Variants in TGIF2 observed in about 807,000 individuals in gnomAD.
TGIF2 encodes TGFB induced factor homeobox 2, also known as homeobox protein TGIF2.
A neutral mutation model predicts 15.1 loss-of-function variants in TGIF2; 5 were observed. The observed-to-expected ratio is 0.33, with a 90% confidence interval of 0.17 to 0.70. The LOEUF (loss-of-function observed/expected upper bound fraction) is 0.70, where lower values mean the gene tolerates loss of function less well. TGIF2 is among the 30% of genes least tolerant of loss of function. The probability of loss-of-function intolerance (pLI) is 0.67; values close to 1 mark genes in which losing one functional copy is unlikely to be tolerated. For synonymous variants in TGIF2, 131 were observed against 128.9 expected, an observed-to-expected ratio of 1.02 and a Z score of -0.11; for missense variants, 264 against 302.5, an observed-to-expected ratio of 0.87 and a Z score of 0.94.
intron 2 of TGIF2, among the ~76,000 whole-genome samples, chr20:36,581,785 C>T (rs1326991771): frequency 1.3e-5 from 2 of 151,990 alleles, no homozygotes; most frequent in Non-Finnish European, 2.9e-5. Context: ...CATGCCCCTA[C>T]GCCCAGCTAA....
chr20:36,574,142 C>G (rs1287052127), intron 1 of TGIF2, among the ~76,000 whole-genome samples: 1 of 150,456 alleles, frequency 6.6e-6, no homozygotes, highest in Non-Finnish European at 1.5e-5. Context: ...CCGAGCCGGA[C>G]AGGGGGCGGC....
chr20:36,574,504 C>T (rs1002378107), intron 1 of TGIF2: 5 of 151,972 alleles, frequency 3.3e-5, no homozygotes, highest in East Asian at 1.9e-4. Flanking sequence ...CTCCCCTCCC[C>T]CTCCGGGCCC....
At position 36,578,874 on chromosome 20, in the gene TGIF2, C is replaced by A; in HGVS notation, c.100C>A (p.Arg34=). ...GCCCAAGGAGTCGGTGAAGATCCTC[C>A]GGGACTGGCTGTACTTGCACCGCTA... The part of the protein sequence containing the change: ...NLPKESVKIL[R]DWLYLHRYNA... Residue 34 remains arginine, a synonymous_variant, in exon 2 of 3, where the codon CGG becomes AGG. Coordinates refer to ENST00000373872, the MANE Select transcript of TGIF2 (RefSeq NM_021809.7). The A allele has an allele frequency of 6.2e-7, 1 of 1,614,102 alleles. No homozygotes were observed. Among genetic ancestry groups the A allele is most frequent in the East Asian group, 2.2e-5 (1 of 44,870 alleles).
At position 36,583,302 on chromosome 20, in the gene TGIF2, A is replaced by G. The variant is rs540931230; in HGVS notation, c.192+4336A>G. Among the ~76,000 whole-genome samples, 23 of 151,352 alleles carry G rather than the reference A, an allele frequency of 1.5e-4. No individual in the cohort carries two copies. The East Asian group carries it at 4.1e-3, about 27-fold the overall frequency. ...AAAAACAAACAAACAAACAAAAAAA[A>G]CCTTCAGTGGTCTGGCAGGGTAACT... On this transcript the variant is annotated intron_variant, in intron 2 of 2. Coordinates refer to ENST00000373872, the MANE Select transcript of TGIF2 (RefSeq NM_021809.7).
chr20:36,577,202 A>AT (rs1435356248), intron 1 of TGIF2, among the ~76,000 whole-genome samples: 1 of 150,074 alleles, frequency 6.7e-6, no homozygotes, highest in African/African-American at 2.5e-5. Flanking sequence ...TTATTTTTTT[A>AT]TTTTTTTCTT....
rs2038403807 is a variant in TGIF2 at position 36,575,274 on chromosome 20, G to A, written c.-35+1529G>A. On this transcript the variant is annotated intron_variant, in intron 1 of 2. Coordinates refer to ENST00000373872, the MANE Select transcript of TGIF2 (RefSeq NM_021809.7). ...GCCTGGCGTGAGTGTGTCTGGGTGC[G>A]GTGTGGGGTGCATATGTGGGAAGCC... Among the ~76,000 whole-genome samples, 3 of 152,190 alleles carry A rather than the reference G, an allele frequency of 2.0e-5. No individual in the cohort carries two copies. The South Asian group carries it at 6.2e-4, about 32-fold the overall frequency.
At chr20:36,584,966 G>A (rs903691878) in intron 2 of TGIF2, among the ~76,000 whole-genome samples, 3 of 152,104 alleles carry the variant, frequency 2.0e-5, no homozygotes, top group Admixed American at 6.6e-5. Flanking sequence ...GGAGGCCGAG[G>A]CAAACGGATC....
chr20:36,587,952 C>T (rs571172929), intron 2 of TGIF2, among the ~76,000 whole-genome samples: 2 of 151,988 alleles, frequency 1.3e-5, no homozygotes, highest in African/African-American at 2.4e-5. Flanking sequence ...TGTCTGTGGT[C>T]CCAGCTACTC....
intron 2 of TGIF2, among the ~76,000 whole-genome samples, chr20:36,585,169 G>A (rs564711087): frequency 1.3e-3 from 203 of 151,994 alleles, no homozygotes; most frequent in Admixed American, 2.9e-3. Flanking sequence ...TTGCACTCCA[G>A]CCTGGGCAAC....
chr20:36,586,359 C>A (rs1415235077), intron 2 of TGIF2, among the ~76,000 whole-genome samples: 1 of 152,090 alleles, frequency 6.6e-6, no homozygotes, highest in Non-Finnish European at 1.5e-5. Flanking sequence ...CTCACCCCCA[C>A]TAGATCAATA....
chr20:36,590,177 G>A (rs981833274), intron 2 of TGIF2, among the ~76,000 whole-genome samples: 1 of 151,912 alleles, frequency 6.6e-6, no homozygotes, highest in African/African-American at 2.4e-5. Flanking sequence ...GGCTGGTCTC[G>A]AATCCCTGGG....
chr20:36,579,297 G>C (rs567779068), intron 2 of TGIF2, among the ~76,000 whole-genome samples: 5 of 151,894 alleles, frequency 3.3e-5, no homozygotes, highest in African/African-American at 1.2e-4. Context: ...TCAGCCTCCC[G>C]ACTAGCTGGG....
At chr20:36,577,651 G>A (rs1204408077) in intron 1 of TGIF2, among the ~76,000 whole-genome samples, 2 of 152,000 alleles carry the variant, frequency 1.3e-5, no homozygotes, top group Non-Finnish European at 2.9e-5. Flanking sequence ...GAGTAGCTGG[G>A]ACTACAGGCA....
chr20:36,587,672 A>G (rs1244057519), intron 2 of TGIF2, among the ~76,000 whole-genome samples: 1 of 152,116 alleles, frequency 6.6e-6, no homozygotes, highest in East Asian at 1.9e-4. Context: ...GTGACCTTCA[A>G]CAAGTTTCTG....
At chr20:36,583,125 A>G (rs112762253) in intron 2 of TGIF2, among the ~76,000 whole-genome samples, 2,133 of 152,016 alleles carry the variant, frequency 0.014, 37 homozygotes, top group African/African-American at 0.035. Flanking sequence ...TACTAAAAAT[A>G]CAAAAATAGC....
rs776849143 is a variant in TGIF2, at chr20:36,584,552, AT to A, written c.192+5600del. Among the ~76,000 whole-genome samples the A allele has an allele frequency of 3.0e-3, 434 of 145,244 alleles. 2 individuals carry two copies. Among genetic ancestry groups the A allele is most frequent in the Middle Eastern group, 0.021 (6 of 280 alleles). On this transcript the variant is annotated intron_variant, in intron 2 of 2. Transcript: ENST00000373872. The stretch of plus-strand genomic sequence containing the variant: ...CATTTTTTCCTGTATTTATTAATTA[AT>A]TTTTTTTTTTTTTGAGACGGAGTCA...
Position 36,591,206 on chromosome 20 carries a change from A to C in TGIF2, c.489A>C (p.Thr163=). The C allele has an allele frequency of 6.2e-7, 1 of 1,614,174 alleles. No individual in the cohort carries two copies. The highest frequency in any genetic ancestry group is 8.5e-7 in the Non-Finnish European group (1 of 1,179,998). The part of the protein sequence containing the change: ...SPKPLVTPGS[T]LTLLTRAEAG... ...AGCCCCTGGTGACCCCTGGTAGCACACTTACTCTGCTGACCAGGGCTGAGG... is the reference window on the plus strand; with the variant it reads ...AGCCCCTGGTGACCCCTGGTAGCACCCTTACTCTGCTGACCAGGGCTGAGG... Residue 163 remains threonine (T), a synonymous_variant, in exon 3 of 3, where the codon ACA becomes ACC. Coordinates refer to ENST00000373872, the MANE Select transcript of TGIF2 (RefSeq NM_021809.7). This position sits in a 1 kb window ranked among gnomAD's most constrained non-coding sequence, Gnocchi z 5.3.
intron 1 of TGIF2, among the ~76,000 whole-genome samples, chr20:36,574,041 C>T (rs1313340067): frequency 6.6e-6 from 1 of 151,576 alleles, no homozygotes; most frequent in African/African-American, 2.4e-5. Flanking sequence ...GAGGGCCGAT[C>T]CTGCACCGGA....
intron 1 of TGIF2, among the ~76,000 whole-genome samples, chr20:36,575,840 C>G (rs990481356): frequency 6.6e-6 from 1 of 152,070 alleles, no homozygotes; most frequent in Admixed American, 6.6e-5. Context: ...CACCTGTAAT[C>G]CCAGATCTTT....
Sources: allele counts gnomAD v4.1 joint callset (sites outside exome capture counted in the v4.1 genomes callset), GRCh38; gene constraint gnomAD v4.1.1; non-coding constraint Gnocchi (gnomAD v3.1); transcripts MANE v1.5; gene names NCBI Gene and HGNC (gene_info 2026-07-23, HGNC 2026-07-21).